The following CHAT variants were observed in gnomAD, a reference collection of about 807,000 sequenced individuals.
CHAT encodes the protein choline O-acetyltransferase.
In CHAT, 61 loss-of-function variants were observed where a neutral mutation model predicts 76.9. That is an observed-to-expected ratio of 0.79 (90% CI 0.65 to 0.98). CHAT has a LOEUF of 0.98. CHAT is among the 50% of genes least tolerant of loss of function. CHAT has a pLI of 0.00. For synonymous variants in CHAT, 407 were observed against 397.4 expected (o/e 1.02, Z -0.29); for missense variants, 946 against 986.9 (o/e 0.96, Z 0.56).
At position 49,646,541 on chromosome 10, in the gene CHAT, G is replaced by T; in HGVS notation, c.1148G>T (p.Arg383Leu). Residue 383 changes from arginine to leucine, a missense_variant, in exon 8 of 15, where the codon CGC (arginine) becomes CTC (leucine). Around this residue, in one of 3 missense-constraint regions of CHAT, gnomAD observed 548 missense variants for 516.2 expected, o/e 1.06. Coordinates refer to ENST00000337653, the MANE Select transcript of CHAT (RefSeq NM_020549.5). ...CGGGACTCGCTGGACATGATTGAGC[G>T]CTGCATCTGCCTTGTATGCCTGGAC... ...TNRDSLDMIE[R>L]CICLVCLDAP... 1 of 1,614,214 alleles carries T rather than the reference G, an allele frequency of 6.2e-7. No homozygotes were observed. The highest frequency in any genetic ancestry group is 8.5e-7 in the Non-Finnish European group (1 of 1,180,034).
At chr10:49,633,014 A>G (rs1336680412) in intron 7 of CHAT, among the ~76,000 whole-genome samples, 2 of 152,192 alleles carry the variant, frequency 1.3e-5, no homozygotes, top group African/African-American at 4.8e-5. Context: ...GGCCCAAAGC[A>G]CCAGGATACA....
intron 1 of CHAT, among the ~76,000 whole-genome samples, chr10:49,614,923 C>T (rs999765096): frequency 1.3e-5 from 2 of 152,216 alleles, no homozygotes; most frequent in African/African-American, 4.8e-5. Context: ...ACCGGCCAGA[C>T]TGGGGTTGGA....
intron 11 of CHAT, among the ~76,000 whole-genome samples, chr10:49,652,511 C>T (rs1839912690): frequency 1.3e-5 from 2 of 152,190 alleles, no homozygotes; most frequent in Admixed American, 1.3e-4. Flanking sequence ...CCAAATGTCT[C>T]TCACCTGCCC....
chr10:49,614,960 G>A (rs1166409214), intron 1 of CHAT, among the ~76,000 whole-genome samples: 1 of 151,770 alleles, frequency 6.6e-6, no homozygotes, highest in Admixed American at 6.6e-5. Context: ...GGCAGCCCTT[G>A]GAAAGCCAGG....
intron 13 of CHAT, among the ~76,000 whole-genome samples, chr10:49,658,981 C>A (rs924366240): frequency 6.6e-6 from 1 of 152,030 alleles, no homozygotes; most frequent in African/African-American, 2.4e-5. Flanking sequence ...AGAAAAGAGG[C>A]TTAGTCCAGG....
At chr10:49,639,222 C>A (rs533118679) in intron 7 of CHAT, among the ~76,000 whole-genome samples, 1 of 152,192 alleles carries the variant, frequency 6.6e-6, no homozygotes, top group East Asian at 1.9e-4. Flanking sequence ...GGTGACAGAG[C>A]GAGACTCCAT....
chr10:49,647,898 A>G (rs1590608473), intron 8 of CHAT: 2 of 169,348 alleles, frequency 1.2e-5, no homozygotes, highest in East Asian at 1.7e-4. Flanking sequence ...GCTGACCTCC[A>G]GGTTCTTTTC....
upstream of CHAT, chr10:49,611,649 T>A: frequency 6.2e-7 from 1 of 1,611,910 alleles, no homozygotes; most frequent in Non-Finnish European, 8.5e-7. Flanking sequence ...CCTGTAACAT[T>A]CCCCTCGCCT....
In CHAT at chr10:49,651,798, A is replaced by G. The variant is rs1391055506; in HGVS notation, c.1512-86A>G. ...CACCTTCCAGAACGCTAGGACACAG[A>G]CCAGGCTCTAGAAGCCCGGGGAAAC... is the stretch of plus-strand genomic sequence containing the variant. On this transcript the variant is annotated intron_variant, in intron 10 of 14. Coordinates refer to ENST00000337653, the MANE Select transcript of CHAT (RefSeq NM_020549.5). 12 of 1,406,830 alleles carry G rather than the reference A, an allele frequency of 8.5e-6. No individual in the cohort carries two copies. In the East Asian group the frequency reaches 2.7e-4, roughly 31 times the overall value. 87.1% of individuals were successfully genotyped at this position (1,406,830 alleles called of 1,614,324 possible). A position where few individuals can be genotyped will look rare whatever the true frequency, so the allele number is the denominator to read the frequency against.
chr10:49,631,943 A>G (rs1373303917), intron 7 of CHAT, among the ~76,000 whole-genome samples: 3 of 149,362 alleles, frequency 2.0e-5, no homozygotes, highest in Non-Finnish European at 4.4e-5. Flanking sequence ...CGCAGCACAG[A>G]AACAAGGGGG....
chr10:49,645,342 G>A (rs561439322), intron 7 of CHAT, among the ~76,000 whole-genome samples: 39 of 152,310 alleles, frequency 2.6e-4, no homozygotes, highest in African/African-American at 9.1e-4. Context: ...GGCTCTCCTG[G>A]TGATACGCAG....
chr10:49,636,391 A>G (rs1051440769), intron 7 of CHAT, among the ~76,000 whole-genome samples: 4 of 152,056 alleles, frequency 2.6e-5, no homozygotes, highest in South Asian at 2.1e-4. Flanking sequence ...TTCTTTTCAT[A>G]TATTGCTTAA....
At position 49,614,144 on chromosome 10, in the gene CHAT, C is replaced by T; in HGVS notation, c.-46C>T. 1 of 1,528,494 alleles carries T rather than the reference C, an allele frequency of 6.5e-7. No homozygotes were observed. Among genetic ancestry groups the T allele is most frequent in the Non-Finnish European group, 8.8e-7 (1 of 1,141,996 alleles). 94.7% of individuals were successfully genotyped at this position (1,528,494 alleles called of 1,614,324 possible). A position where few individuals can be genotyped will look rare whatever the true frequency, so the allele number is the denominator to read the frequency against. ...CTCCGGGAAGCGCTCCGGGTAGATTCTGGGGGCCGGGAGCTGAGATCCCTG... is the reference window on the plus strand; with the variant it reads ...CTCCGGGAAGCGCTCCGGGTAGATTTTGGGGGCCGGGAGCTGAGATCCCTG... On this transcript the variant is annotated 5_prime_UTR_variant, in exon 1 of 15. Coordinates refer to ENST00000337653, the MANE Select transcript of CHAT (RefSeq NM_020549.5).
At chr10:49,661,722 T>C (rs1003163710) in intron 13 of CHAT, among the ~76,000 whole-genome samples, 16 of 152,080 alleles carry the variant, frequency 1.1e-4, no homozygotes, top group Admixed American at 7.9e-4. Context: ...GGTGGCCCCC[T>C]GAGTCTCCAT....
In CHAT at chr10:49,620,340, T is replaced by C. The variant is rs771561392; in HGVS notation, c.580-155T>C. Among the ~76,000 whole-genome samples, 10 of 152,038 alleles carry C rather than the reference T, an allele frequency of 6.6e-5. 1 individual carries two copies. Among genetic ancestry groups the C allele is most frequent in the Non-Finnish European group, 2.9e-5 (2 of 67,982 alleles). ...GCACAAAGGTGAAGGACAGGCCTGG[T>C]GGACTGGGAAGCTCCTGGCACATAC... On this transcript the variant is annotated intron_variant, in intron 3 of 14. Transcript: ENST00000337653.
At chr10:49,625,242 G>C (rs765959979) in intron 5 of CHAT, among the ~76,000 whole-genome samples, 1 of 152,162 alleles carries the variant, frequency 6.6e-6, no homozygotes, top group Admixed American at 6.5e-5. Context: ...TGCACATGCC[G>C]TGCATGAGGC....
chr10:49,637,684 A>C (rs1839341853), intron 7 of CHAT: 1 of 152,280 alleles, frequency 6.6e-6, no homozygotes, highest in Non-Finnish European at 1.5e-5. Flanking sequence ...TTATTCATAA[A>C]TTACCCAGTC....
upstream of CHAT, chr10:49,610,941 C>A: frequency 6.2e-7 from 1 of 1,610,214 alleles, no homozygotes. Context: ...TGCGCGGGGG[C>A]GGCGAGGGCC....
chr10:49,648,268 G>A (rs1839745652), intron 8 of CHAT, among the ~76,000 whole-genome samples: 1 of 152,180 alleles, frequency 6.6e-6, no homozygotes, highest in Non-Finnish European at 1.5e-5. Context: ...GGGAACTTGG[G>A]GCTCCACCTT....
Sources: gnomAD v4.1 joint callset for allele counts (sites outside exome capture counted in the v4.1 genomes callset) on GRCh38, gnomAD v4.1.1 for gene constraint, gnomAD v4.1.1 regional missense constraint, MANE v1.5 for transcripts, NCBI Gene and HGNC (gene_info 2026-07-23, HGNC 2026-07-21) for gene names.